The following TCF20 variants were observed in gnomAD, a reference collection of about 807,000 sequenced individuals.
TCF20 encodes transcription factor 20.
Under a neutral mutation model 148.6 loss-of-function variants are expected in TCF20, and 3 were observed. That is an observed-to-expected ratio of 0.02 (90% CI 0.01 to 0.05). The LOEUF is 0.05. Among genes scored for constraint, TCF20 ranks in the 10% least tolerant of loss-of-function variants. TCF20 has a pLI of 1.00. For synonymous variants in TCF20, 1,049 were observed against 909.5 expected (o/e 1.15, Z -2.76); for missense variants, 2,350 against 2,429.3 (o/e 0.97, Z 0.69).
intron 1 of TCF20, among the ~76,000 whole-genome samples, chr22:42,315,307 G>A (rs1927609211): frequency 6.6e-6 from 1 of 152,174 alleles, no homozygotes; most frequent in Non-Finnish European, 1.5e-5. Context: ...TGCAGGAGAG[G>A]CACCACAGTG....
upstream of TCF20, chr22:42,273,904 C>G (rs1408636947): frequency 6.5e-6 from 1 of 152,778 alleles, no homozygotes; most frequent in East Asian, 1.9e-4. Context: ...GTCACTGATT[C>G]TACTACCATC....
intron 1 of TCF20, among the ~76,000 whole-genome samples, chr22:42,255,051 T>TG (rs1463361622): frequency 6.6e-6 from 1 of 151,674 alleles, no homozygotes; most frequent in African/African-American, 2.4e-5. Context: ...ACTTAATAGT[T>TG]GGGTGACCTT....
chr22:42,281,943 C>G (rs907680938), intron 1 of TCF20, among the ~76,000 whole-genome samples: 2 of 152,216 alleles, frequency 1.3e-5, no homozygotes, highest in Non-Finnish European at 2.9e-5. Context: ...ACCCAAAGGC[C>G]TAACAGGGAG....
intron 3 of TCF20, among the ~76,000 whole-genome samples, chr22:42,172,161 T>C (rs1415906148): frequency 1.3e-5 from 2 of 151,938 alleles, no homozygotes; most frequent in Non-Finnish European, 2.9e-5. Flanking sequence ...GTGCAGACAA[T>C]GCCCTCCTCT....
chr22:42,325,541 G>A (rs1445424481), intron 1 of TCF20, among the ~76,000 whole-genome samples: 1 of 152,222 alleles, frequency 6.6e-6, no homozygotes, highest in Non-Finnish European at 1.5e-5. Flanking sequence ...CAGCTCGGGG[G>A]GAGGGGAGGG....
chr22:42,300,398 A>G (rs1927316417), intron 1 of TCF20, among the ~76,000 whole-genome samples: 1 of 152,156 alleles, frequency 6.6e-6, no homozygotes, highest in African/African-American at 2.4e-5. Flanking sequence ...CTAAAAAAAA[A>G]AAGAAAAAAA....
At chr22:42,220,367 A>G (rs1177004194) in intron 1 of TCF20, among the ~76,000 whole-genome samples, 3 of 152,052 alleles carry the variant, frequency 2.0e-5, no homozygotes, top group African/African-American at 7.2e-5. Flanking sequence ...TAATTTTTAT[A>G]ATTTCTTAAA....
chr22:42,306,931 C>T lies in TCF20; in HGVS notation c.-37+36548G>A, dbSNP rs145081326. On this transcript the variant is annotated intron_variant, in intron 1 of 1. Coordinates refer to the TCF20 transcript ENST00000515426. ...GCACGCTCCTGTAATCCCAGCTACT[C>T]GGGATGCTGAGGCACGAGAATCGCT... is the stretch of plus-strand genomic sequence containing the variant. Among the ~76,000 whole-genome samples, 289 of 151,142 alleles carry T rather than the reference C, an allele frequency of 1.9e-3. 5 individuals carry two copies. The East Asian group carries it at 0.02, about 11-fold the overall frequency.
chr22:42,207,423 CTTA>C (rs905759320), intron 2 of TCF20, among the ~76,000 whole-genome samples: 4 of 152,090 alleles, frequency 2.6e-5, no homozygotes, highest in Admixed American at 6.6e-5. Flanking sequence ...GGCTGGCTGC[CTTA>C]TTATTCTACG....
chr22:42,175,745 G>A (rs1936409107), intron 3 of TCF20, among the ~76,000 whole-genome samples: 1 of 152,034 alleles, frequency 6.6e-6, no homozygotes, highest in Non-Finnish European at 1.5e-5. Context: ...AAAACATTTG[G>A]AGGAAAAAAG....
intron 3 of TCF20, among the ~76,000 whole-genome samples, chr22:42,177,954 C>T (rs1163693154): frequency 2.0e-5 from 3 of 152,142 alleles, no homozygotes; most frequent in African/African-American, 7.2e-5. Context: ...AGAGACGAAG[C>T]TGTGATTAGC....
intron 2 of TCF20, among the ~76,000 whole-genome samples, chr22:42,188,917 C>T (rs1937189047): frequency 6.6e-6 from 1 of 152,186 alleles, no homozygotes; most frequent in African/African-American, 2.4e-5. Context: ...AGAGCGCAGA[C>T]TTAATGCCAC....
chr22:42,240,024 CA>C (rs1268174440), intron 1 of TCF20, among the ~76,000 whole-genome samples: 2 of 151,984 alleles, frequency 1.3e-5, no homozygotes, highest in African/African-American at 4.8e-5. Context: ...CCTGTATTTC[CA>C]AAGCTTCTAG....
chr22:42,184,984 C>A (rs1396181423), intron 2 of TCF20, among the ~76,000 whole-genome samples: 3 of 152,210 alleles, frequency 2.0e-5, no homozygotes, highest in Non-Finnish European at 2.9e-5. Flanking sequence ...ACTGCAAGGA[C>A]TGAGTCAACT....
At chr22:42,186,888 AGC>A in intron 2 of TCF20, among the ~76,000 whole-genome samples, 1 of 152,380 alleles carries the variant, frequency 6.6e-6, no homozygotes, top group African/African-American at 2.4e-5. Flanking sequence ...ATTAAATTCT[AGC>A]AGGATTTCGA....
intron 1 of TCF20, among the ~76,000 whole-genome samples, chr22:42,298,256 G>A (rs1293795358): frequency 1.3e-5 from 2 of 152,240 alleles, no homozygotes; most frequent in African/African-American, 4.8e-5. Context: ...CAGGGGATGA[G>A]TGAGGACAGG....
At chr22:42,312,043 G>A (rs138635057) in intron 1 of TCF20, among the ~76,000 whole-genome samples, 2 of 152,344 alleles carry the variant, frequency 1.3e-5, no homozygotes, top group African/African-American at 2.4e-5. Context: ...AAGACATGGA[G>A]GATGGGGAAG....
rs752575487 is a variant in TCF20, at chr22:42,209,851, T to C, written c.5455A>G (p.Lys1819Glu). The C allele has an allele frequency of 1.2e-6, 2 of 1,614,176 alleles. No homozygotes were observed. The highest frequency in any genetic ancestry group is 2.2e-5 in the South Asian group (2 of 91,072). ...KKAATEGSSE[K>E]TVLDSKPSVP... ...GAGGGCTTCGAGTCCAAAACAGTCT[T>C]TTCACTGCTGCCCTCAGTGGCTGCT... The change falls in exon 2 of 6, where the codon AAG (lysine) becomes GAG (glutamate). Residue 1819 changes from lysine (K) to glutamate (E), a missense_variant. Lys to Glu is a moderately conservative substitution (Grantham distance 56, BLOSUM62 1). Transcript: ENST00000677622.
intron 3 of TCF20, among the ~76,000 whole-genome samples, chr22:42,179,136 G>A (rs978917358): frequency 1.3e-5 from 2 of 151,754 alleles, no homozygotes; most frequent in Non-Finnish European, 2.9e-5. Context: ...CGTAAAATGG[G>A]GCAGCCATTT....
Sources: gnomAD v4.1 joint callset for allele counts (sites outside exome capture counted in the v4.1 genomes callset) on GRCh38, gnomAD v4.1.1 for gene constraint, MANE v1.5 for transcripts, NCBI Gene and HGNC (gene_info 2026-07-23, HGNC 2026-07-21) for gene names.